SSC5D: variants seen among roughly 807,000 people sequenced by gnomAD.
SSC5D encodes scavenger receptor cysteine rich family member with 5 domains.
A neutral mutation model predicts 104.6 loss-of-function variants in SSC5D; 106 were observed. That is an observed-to-expected ratio of 1.01 (90% CI 0.87 to 1.19). SSC5D has a LOEUF of 1.19. Among genes scored for constraint, SSC5D ranks in the 50% most tolerant of loss-of-function variants. The probability of loss-of-function intolerance (pLI) is 0.00; values close to 1 mark genes in which losing one functional copy is unlikely to be tolerated. For missense variants in SSC5D, 1,993 were observed against 2,153.8 expected (o/e 0.93, Z 1.48); for synonymous variants, 860 against 883.5 (o/e 0.97, Z 0.47).
At chr19:55,516,982 G>A (rs1987884914) in intron 13 of SSC5D, among the ~76,000 whole-genome samples, 1 of 151,968 alleles carries the variant, frequency 6.6e-6, no homozygotes, top group South Asian at 2.1e-4. Flanking sequence ...GTGCCCCTCG[G>A]CATCCCCGAG....
In SSC5D at chr19:55,500,889, G is replaced by A; in HGVS notation, c.2617+85G>A. ...GGTGGGGCCAGGTGACGGCACCATGGTCGACTCTAAAGAACTGGGTATGAG... is the reference window on the plus strand; with the variant it reads ...GGTGGGGCCAGGTGACGGCACCATGATCGACTCTAAAGAACTGGGTATGAG... On this transcript the variant is annotated intron_variant, in intron 11 of 13. Coordinates refer to ENST00000389623, the MANE Select transcript of SSC5D (RefSeq NM_001144950.2). This position sits in a 1 kb window ranked among gnomAD's most constrained non-coding sequence, Gnocchi z 4.6. 6.0e-6 allele frequency: 9 copies of A among 1,498,732 alleles called. No homozygotes were observed. The highest frequency in any genetic ancestry group is 8.1e-6 in the Non-Finnish European group (9 of 1,113,666). The allele number at this position is 1,498,732 out of a possible 1,614,324, so 92.8% of individuals were successfully genotyped here.
rs36021371 is a variant in SSC5D, at chr19:55,507,339, CAAAAAAAAAAA to C, written c.2786-5659_2786-5649del. On this transcript the variant is annotated intron_variant, in intron 12 of 13. Coordinates refer to ENST00000389623, the MANE Select transcript of SSC5D (RefSeq NM_001144950.2). ...AGCCTGGATGAGTGAGACCCCGTCT[CAAAAAAAAAAA>C]AAAAAAAAAAAAGGATGGTTAAGAG... Among the ~76,000 whole-genome samples the C allele has an allele frequency of 9.2e-5, 3 of 32,762 alleles. No homozygotes were observed. In the South Asian group the frequency reaches 3.5e-3, roughly 38 times the overall value. 21.5% of individuals were successfully genotyped at this position (32,762 alleles called of 152,430 possible). A position where few individuals can be genotyped will look rare whatever the true frequency, so the allele number is the denominator to read the frequency against.
At chr19:55,506,154 C>A (rs879393986) in intron 12 of SSC5D, among the ~76,000 whole-genome samples, 1 of 151,766 alleles carries the variant, frequency 6.6e-6, no homozygotes, top group African/African-American at 2.4e-5. Flanking sequence ...CGTAAAGTAA[C>A]ATATTCACAG....
chr19:55,516,004 T>G (rs1369516850), intron 13 of SSC5D, among the ~76,000 whole-genome samples: 1 of 152,008 alleles, frequency 6.6e-6, no homozygotes, highest in African/African-American at 2.4e-5. Context: ...ATTTCCCCCT[T>G]CTGTAAAATG....
chr19:55,500,389 G>A lies in SSC5D; in HGVS notation c.2279G>A (p.Ser760Asn), dbSNP rs1172762669. Reference protein sequence around the residue: ...ESPKDPAPSPSVSTTGESGLF... With the variant: ...ESPKDPAPSPNVSTTGESGLF... ...CCCAAAGACCCGGCCCCCTCTCCCAGTGTTAGCACCACTGGGGAATCAGGT... is the reference window on the plus strand; with the variant it reads ...CCCAAAGACCCGGCCCCCTCTCCCAATGTTAGCACCACTGGGGAATCAGGT... Residue 760 changes from serine (S) to asparagine (N), a missense_variant, in exon 10 of 14, where the codon AGT becomes AAT. Physicochemically the swap from Ser to Asn is conservative, Grantham distance 46 (BLOSUM62 1). This residue lies in a region of SSC5D where 1,101 missense variants were observed against 1,085.0 expected (regional missense o/e 1.01). Coordinates refer to ENST00000389623, the MANE Select transcript of SSC5D (RefSeq NM_001144950.2). This position sits in a 1 kb window ranked among gnomAD's most constrained non-coding sequence, Gnocchi z 4.6. 3 of 1,551,146 alleles carry A rather than the reference G, an allele frequency of 1.9e-6. No individual in the cohort carries two copies. Among genetic ancestry groups the A allele is most frequent in the Non-Finnish European group, 1.7e-6 (2 of 1,146,758 alleles).
In SSC5D at chr19:55,503,322, C is replaced by A. The variant is rs73059221; in HGVS notation, c.2785+2121C>A. On this transcript the variant is annotated intron_variant, in intron 12 of 13. Coordinates refer to ENST00000389623, the MANE Select transcript of SSC5D (RefSeq NM_001144950.2). This position sits in a 1 kb window ranked among gnomAD's most constrained non-coding sequence, Gnocchi z 4.0. Reference sequence around the variant, plus strand: ...TGCTTCTCACTCGATTTTTCACGGTCGGTTTTGCTATATCACCTCATACTC... The same window carrying A: ...TGCTTCTCACTCGATTTTTCACGGTAGGTTTTGCTATATCACCTCATACTC... Among the ~76,000 whole-genome samples, 6 of 152,074 alleles carry A rather than the reference C, an allele frequency of 3.9e-5. No homozygotes were observed. Among genetic ancestry groups the A allele is most frequent in the Admixed American group, 3.9e-4 (6 of 15,254 alleles).
At position 55,500,004 on chromosome 19, in the gene SSC5D, G is replaced by A. The variant is rs774681884; in HGVS notation, c.1894G>A (p.Val632Met). ...GKMPKSTKKW[V>M]TKNAKRPTTQ... ...AATGCCTAAGAGTACTAAGAAGTGG[G>A]TGACAAAAAATGCAAAGAGACCAAC... The change falls in exon 10 of 14, where the codon GTG becomes ATG. Residue 632 changes from valine to methionine, a missense_variant. Transcript: ENST00000389623. This position sits in a 1 kb window ranked among gnomAD's most constrained non-coding sequence, Gnocchi z 4.6. The A allele has an allele frequency of 6.0e-5, 93 of 1,551,648 alleles. No individual in the cohort carries two copies. In the South Asian group the frequency reaches 8.2e-4, roughly 14 times the overall value.
At position 55,490,798 on chromosome 19, in the gene SSC5D, C is replaced by G. The variant is rs1599911530; in HGVS notation, c.613C>G (p.His205Asp). 6.5e-7 allele frequency: 1 copy of G among 1,543,824 alleles called. No homozygotes were observed. The highest frequency in any genetic ancestry group is 8.7e-7 in the Non-Finnish European group (1 of 1,144,816). ...QERLRLVSGP[H>D]RCAGRLEVWH... ...GCGGCTGCGCCTGGTCTCTGGCCCC[C>G]ACAGGTGCGCCGGACGCCTGGAGGT... Residue 205 changes from histidine (H) to aspartate (D), a missense_variant, in exon 6 of 14, where the codon CAC (histidine) becomes GAC (aspartate). Transcript: ENST00000389623.
chr19:55,508,640 A>C (rs1987690391), intron 12 of SSC5D, among the ~76,000 whole-genome samples: 1 of 136,214 alleles, frequency 7.3e-6, no homozygotes, highest in Admixed American at 7.4e-5. Flanking sequence ...GGGCGCATGC[A>C]GCAGGGATGG....
chr19:55,517,286 C>T lies in SSC5D; in HGVS notation c.3010C>T (p.Pro1004Ser), dbSNP rs1987893143. ...PPRPAATRTA[P>S]PTPSPGPSAS... ...GCGGCCCGCTGCGACCAGGACAGCG[C>T]CCCCAACCCCGTCCCCAGGTCCCTC... is the stretch of plus-strand genomic sequence containing the variant. Residue 1004 changes from proline (P) to serine (S), a missense_variant, in exon 14 of 14, where the codon CCC becomes TCC. Physicochemically the swap from Pro to Ser is moderately conservative, Grantham distance 74. Coordinates refer to ENST00000389623, the MANE Select transcript of SSC5D (RefSeq NM_001144950.2). 2 of 1,547,744 alleles carry T rather than the reference C, an allele frequency of 1.3e-6. No individual in the cohort carries two copies. Among genetic ancestry groups the T allele is most frequent in the African/African-American group, 2.7e-5 (2 of 72,960 alleles).
At chr19:55,507,529 G>A (rs1017452715) in intron 12 of SSC5D, among the ~76,000 whole-genome samples, 5 of 151,068 alleles carry the variant, frequency 3.3e-5, no homozygotes, top group African/African-American at 1.2e-4. Flanking sequence ...AGCCGGGTGT[G>A]GTGGTGCATG....
At chr19:55,515,738 A>AT (rs1050412819) in intron 13 of SSC5D, among the ~76,000 whole-genome samples, 44 of 150,104 alleles carry the variant, frequency 2.9e-4, no homozygotes, top group East Asian at 1.4e-3. Context: ...TCTCAAAAAA[A>AT]AAAATAAAAT....
Position 55,493,978 on chromosome 19 carries a change from CGGCGG to C in SSC5D, c.1213+69_1213+73del. The C allele has an allele frequency of 8.2e-5, 4 of 48,804 alleles. 1 individual carries two copies. Among genetic ancestry groups the C allele is most frequent in the Non-Finnish European group, 1.1e-4 (4 of 35,984 alleles). 3.0% of individuals were successfully genotyped at this position (48,804 alleles called of 1,614,324 possible). A position where few individuals can be genotyped will look rare whatever the true frequency, so the allele number is the denominator to read the frequency against. On this transcript the variant is annotated intron_variant, in intron 7 of 13. Coordinates refer to ENST00000389623, the MANE Select transcript of SSC5D (RefSeq NM_001144950.2). Reference sequence around the variant, plus strand: ...GGTGCTTGGAGCGGAGGGGCAAGTTCGGCGGGGGCGGGGGGGTCCCTACGCGCCCT... The same window carrying C: ...GGTGCTTGGAGCGGAGGGGCAAGTTCGGGCGGGGGGGTCCCTACGCGCCCT...
chr19:55,497,896 C>A lies in SSC5D; in HGVS notation c.1404C>A (p.Arg468=), dbSNP rs1336208939. The A allele has an allele frequency of 6.5e-7, 1 of 1,540,386 alleles. No homozygotes were observed. Among genetic ancestry groups the A allele is most frequent in the South Asian group, 1.2e-5 (1 of 83,638 alleles). ...CTACCCCAGGGTCCCCCCAGCTGCG[C>A]CTGGTGGCTGGGCCCAGCAAGTGCT... ...PGPEAGSPQL[R]LVAGPSKCSG... Residue 468 remains arginine, a synonymous_variant, in exon 9 of 14, where the codon CGC becomes CGA. Coordinates refer to ENST00000389623, the MANE Select transcript of SSC5D (RefSeq NM_001144950.2).
At chr19:55,505,620 A>G (rs12104175) in intron 12 of SSC5D, among the ~76,000 whole-genome samples, 21,054 of 151,678 alleles carry the variant, frequency 0.14, 2,053 homozygotes, top group African/African-American at 0.23. Flanking sequence ...GAGGCCACCT[A>G]CATTCCTTGG....
Position 55,489,495 on chromosome 19 carries a change from G to C in SSC5D, c.194G>C (p.Gly65Ala), listed in dbSNP as rs746414154. 1.4e-6 allele frequency: 2 copies of C among 1,471,556 alleles called. No individual in the cohort carries two copies. Among genetic ancestry groups the C allele is most frequent in the Non-Finnish European group, 1.8e-6 (2 of 1,118,136 alleles). The allele number at this position is 1,471,556 out of a possible 1,614,324, so 91.2% of individuals were successfully genotyped here. Residue 65 changes from glycine (G) to alanine (A), a missense_variant, in exon 3 of 14, where the codon GGG (glycine) becomes GCG (alanine). Transcript: ENST00000389623. ...AVACRQLGCG[G>A]ALAAPGGAFF... is the part of the protein sequence containing the mutation. ...GCCTGCCGGCAGCTGGGCTGCGGAG[G>C]GGCACTGGCCGCCCCGGGAGGCGCC... is the stretch of plus-strand genomic sequence containing the variant.
intron 5 of SSC5D, 53 bp from the exon 6 acceptor site, chr19:55,490,717 GGT>G: frequency 7.0e-7 from 1 of 1,434,348 alleles, no homozygotes; most frequent in Non-Finnish European, 9.1e-7. Flanking sequence ...TCGAGGAAGG[GGT>G]GTTTGAATCA....
intron 8 of SSC5D, among the ~76,000 whole-genome samples, chr19:55,497,144 TTG>T (rs1228173819): frequency 6.6e-6 from 1 of 152,218 alleles, no homozygotes; most frequent in East Asian, 1.9e-4. Flanking sequence ...CTTCTCCTCG[TTG>T]TGTGTCTGCC....
Position 55,511,963 on chromosome 19 carries a change from C to T in SSC5D, c.2786-1048C>T, listed in dbSNP as rs537972926. Among the ~76,000 whole-genome samples, 39 of 152,134 alleles carry T rather than the reference C, an allele frequency of 2.6e-4. No individual in the cohort carries two copies. The South Asian group carries it at 6.0e-3, about 23-fold the overall frequency. ...TCAATTTTGATTGTGGCGATGGTCA[C>T]GCAAGCTTGTGAGTGGGTAAACCCC... On this transcript the variant is annotated intron_variant, in intron 12 of 13. Transcript: ENST00000389623.
Sources: allele counts gnomAD v4.1 joint callset (sites outside exome capture counted in the v4.1 genomes callset), GRCh38; gene constraint gnomAD v4.1.1; regional missense constraint gnomAD v4.1.1; non-coding constraint Gnocchi (gnomAD v3.1); transcripts MANE v1.5; gene names NCBI Gene and HGNC (gene_info 2026-07-23, HGNC 2026-07-21).